Variants in PASK observed in about 807,000 individuals in gnomAD.
PASK encodes the protein PAS domain containing serine/threonine kinase, also known as PAS domain-containing serine/threonine-protein kinase.
In PASK, 110 loss-of-function variants were observed where a neutral mutation model predicts 121.0. That is an observed-to-expected ratio of 0.91 (90% CI 0.78 to 1.06). The LOEUF (loss-of-function observed/expected upper bound fraction) is 1.06. Ranked by LOEUF, PASK falls within the 50% of genes least tolerant of loss-of-function variation. The pLI is 0.00. For synonymous variants in PASK, 686 were observed against 717.8 expected (o/e 0.96, Z 0.71); for missense variants, 1,643 against 1,702.3 (o/e 0.97, Z 0.61).
chr2:241,142,123 T>C (rs1388110583), intron 2 of PASK, among the ~76,000 whole-genome samples: 1 of 148,730 alleles, frequency 6.7e-6, no homozygotes, highest in Non-Finnish European at 1.5e-5. Context: ...GGCCCTCCGC[T>C]CTACACCCTC....
At position 241,126,656 on chromosome 2, in the gene PASK, G is replaced by A; in HGVS notation, c.2259C>T (p.Asp753=). The A allele has an allele frequency of 6.2e-7, 1 of 1,614,166 alleles. No homozygotes were observed. The highest frequency in any genetic ancestry group is 8.5e-7 in the Non-Finnish European group (1 of 1,180,012). The change falls in exon 10 of 18, where the codon GAC becomes GAT. Residue 753 remains aspartate (D), a synonymous_variant. Coordinates refer to ENST00000234040, the MANE Select transcript of PASK (RefSeq NM_015148.4). The stretch of plus-strand genomic sequence containing the variant: ...CACAGGAACAATTTGATGACGTTTG[G>A]TCTGTCTGGTCACTGAAAAAGAGTT... ...LKELFFSDQT[D]QTSSNCSCAT...
intron 6 of PASK, among the ~76,000 whole-genome samples, 163 bp from the exon 7 acceptor site, chr2:241,137,427 T>A (rs2066487902): frequency 6.6e-6 from 1 of 152,140 alleles, no homozygotes; most frequent in Non-Finnish European, 1.5e-5. Context: ...CAGGCCCAGC[T>A]GGCCCAGGAA....
chr2:241,120,791 G>C (rs1012973090), intron 12 of PASK, among the ~76,000 whole-genome samples: 6 of 152,192 alleles, frequency 3.9e-5, no homozygotes, highest in African/African-American at 9.7e-5. Context: ...TAGACACAGA[G>C]TTACGACATG....
At chr2:241,146,752 C>T (rs2066975374) in intron 1 of PASK, among the ~76,000 whole-genome samples, 2 of 152,178 alleles carry the variant, frequency 1.3e-5, no homozygotes, top group Admixed American at 1.3e-4. Context: ...AAATTTCAGG[C>T]AGGTGGTTCC....
chr2:241,106,266 G>C lies in PASK; in HGVS notation c.*300C>G. 1.8e-5 allele frequency: 8 copies of C among 436,528 alleles called. No individual in the cohort carries two copies. Among genetic ancestry groups the C allele is most frequent in the Non-Finnish European group, 2.9e-5 (7 of 240,014 alleles). The allele number at this position is 436,528 out of a possible 1,614,324, so 27.0% of individuals were successfully genotyped here. A position where few individuals can be genotyped will look rare whatever the true frequency, so the allele number is the denominator to read the frequency against. Reference sequence around the variant, plus strand: ...CAAAACATGCACATATACAAAAGTAGAAAGAGAAAACACTCATGCCTTCAG... The same window carrying C: ...CAAAACATGCACATATACAAAAGTACAAAGAGAAAACACTCATGCCTTCAG... On this transcript the variant is annotated 3_prime_UTR_variant, in exon 18 of 18. Transcript: ENST00000234040.
chr2:241,132,311 T>G (rs1575306488), intron 9 of PASK, among the ~76,000 whole-genome samples: 1 of 151,262 alleles, frequency 6.6e-6, no homozygotes, highest in Non-Finnish European at 1.5e-5. Context: ...GATAACAAAG[T>G]CAGGAAATCG....
At chr2:241,148,211 T>C (rs527524093) in intron 1 of PASK, among the ~76,000 whole-genome samples, 2 of 152,162 alleles carry the variant, frequency 1.3e-5, no homozygotes, top group East Asian at 3.9e-4. Context: ...TTGCTAGTTT[T>C]GATTCCAGAA....
chr2:241,113,404 A>ATTTATATATACATACCTGCATG (rs1198449526), intron 14 of PASK: 1 of 151,814 alleles, frequency 6.6e-6, no homozygotes, highest in Admixed American at 6.6e-5. Context: ...ATACCTGCAT[A>ATTTATATATACATACCTGCATG]TTTATATATA....
intron 6 of PASK, 116 bp from the exon 7 acceptor site, chr2:241,137,380 A>G: frequency 1.2e-6 from 1 of 820,214 alleles, no homozygotes; most frequent in South Asian, 1.3e-5. Context: ...TCCCCAGGAC[A>G]TCTCACACCC....
In PASK at chr2:241,108,518, G is replaced by A. The variant is rs565210885; in HGVS notation, c.3534-218C>T. 1.6e-3 allele frequency: 967 copies of A among 611,806 alleles called. 1 individual carries two copies. Among genetic ancestry groups the A allele is most frequent in the Non-Finnish European group, 2.3e-3 (778 of 338,188 alleles). The allele number at this position is 611,806 out of a possible 1,614,324, so 37.9% of individuals were successfully genotyped here. On this transcript the variant is annotated intron_variant, in intron 15 of 17. Transcript: ENST00000234040. The surrounding 1 kb of genome is among the most constrained non-coding windows in gnomAD (Gnocchi z 5.2). ...ATGTGCCAGGAGTGGAGAGGCCATC[G>A]GGCAGCTCCGAGGCTAATCAGGAAC...
At chr2:241,133,283 T>G (rs6748158) in intron 8 of PASK, 211,188 of 534,430 alleles carry the variant, frequency 0.4, 44,569 homozygotes, top group Middle Eastern at 0.5. Context: ...GGCACTCACC[T>G]GCTGACAACC....
intron 14 of PASK, chr2:241,113,457 C>T (rs895406779): frequency 7.6e-6 from 1 of 132,328 alleles, no homozygotes; most frequent in Non-Finnish European, 1.8e-5. Context: ...CATACATGTG[C>T]ACATATATAC....
chr2:241,114,023 G>A, intron 14 of PASK: 1 of 984,356 alleles, frequency 1.0e-6, no homozygotes, highest in Non-Finnish European at 1.2e-6. Context: ...CCATAATTAT[G>A]TGTCTCACTA....
At chr2:241,149,072 G>C (rs934743089) in intron 1 of PASK, among the ~76,000 whole-genome samples, 2 of 152,082 alleles carry the variant, frequency 1.3e-5, no homozygotes, top group Admixed American at 1.3e-4. Context: ...TCGCCCCGCA[G>C]GGCCGGCTGC....
chr2:241,136,081 A>G (rs2066411824), intron 7 of PASK, 42 bp from the exon 8 acceptor site: 1 of 1,533,252 alleles, frequency 6.5e-7, no homozygotes. Flanking sequence ...TGGAGGATCC[A>G]CGCTGACCCA....
rs994832862 is a variant in PASK, at chr2:241,148,349, T to C, written c.-43+1065A>G. Among the ~76,000 whole-genome samples the C allele has an allele frequency of 1.3e-5, 2 of 152,156 alleles. 1 individual carries two copies. Among genetic ancestry groups the C allele is most frequent in the East Asian group, 3.8e-4 (2 of 5,198 alleles). ...TAAGCTAAGAAGCAAACAGCTCCCATTGCTGTCAGCACAGCTGTACAACAA... is the reference window on the plus strand; with the variant it reads ...TAAGCTAAGAAGCAAACAGCTCCCACTGCTGTCAGCACAGCTGTACAACAA... On this transcript the variant is annotated intron_variant, in intron 1 of 17. Coordinates refer to ENST00000234040, the MANE Select transcript of PASK (RefSeq NM_015148.4).
Position 241,149,415 on chromosome 2 carries a change from T to C in PASK, c.-44A>G, listed in dbSNP as rs2067174926. The C allele has an allele frequency of 3.9e-6, 2 of 510,528 alleles. No individual in the cohort carries two copies. The highest frequency in any genetic ancestry group is 7.0e-5 in the Admixed American group (2 of 28,390). The allele number at this position is 510,528 out of a possible 1,614,324, so 31.6% of individuals were successfully genotyped here. On this transcript the variant is annotated splice_region_variant and 5_prime_UTR_variant, in exon 1 of 18. Coordinates refer to ENST00000234040, the MANE Select transcript of PASK (RefSeq NM_015148.4). Reference sequence around the variant, plus strand: ...CTCTCCCGAGCGCAGGTATCTCACCTGGATCAGGCGAGGGTCACGCCAAGC... The same window carrying C: ...CTCTCCCGAGCGCAGGTATCTCACCCGGATCAGGCGAGGGTCACGCCAAGC...
intron 9 of PASK, chr2:241,127,749 A>C (rs2065942008): frequency 2.4e-6 from 1 of 412,860 alleles, no homozygotes; most frequent in African/African-American, 2.0e-5. Context: ...CAGGGCCCCC[A>C]AACCCCCCGT....
intron 1 of PASK, among the ~76,000 whole-genome samples, chr2:241,144,603 T>C (rs2066866617): frequency 6.6e-6 from 1 of 152,100 alleles, no homozygotes; most frequent in South Asian, 2.1e-4. Flanking sequence ...TCCACCCAGG[T>C]CCTCCCACAC....
Sources: gnomAD v4.1 joint callset for allele counts (sites outside exome capture counted in the v4.1 genomes callset) on GRCh38, gnomAD v4.1.1 for gene constraint, Gnocchi (gnomAD v3.1) non-coding constraint, MANE v1.5 for transcripts, NCBI Gene and HGNC (gene_info 2026-07-23, HGNC 2026-07-21) for gene names.